DHX15: variants seen among roughly 807,000 people sequenced by gnomAD.
The protein encoded by DHX15 is DEAH-box helicase 15.
Under a neutral mutation model 94.4 loss-of-function variants are expected in DHX15, and 11 were observed. The observed-to-expected ratio is 0.12, with a 90% CI of 0.07 to 0.19. DHX15 has a LOEUF of 0.19. DHX15 is among the 10% of genes least tolerant of loss of function. DHX15 has a pLI of 1.00. For missense variants in DHX15, 304 were observed against 988.5 expected (o/e 0.31, Z 9.29); for synonymous variants, 338 against 329.9 (o/e 1.02, Z -0.27).
intron 5 of DHX15, 47 bp from the exon 6 acceptor site, chr4:24,549,069 A>T: frequency 6.6e-7 from 1 of 1,518,284 alleles, no homozygotes; most frequent in Non-Finnish European, 9.0e-7. Flanking sequence ...AACATTTTAA[A>T]GTATTTATTA....
At position 24,576,336 on chromosome 4, in the gene DHX15, A is replaced by G; in HGVS notation, c.414T>C (p.Pro138=). Residue 138 remains proline (P), a synonymous_variant, in exon 2 of 14, where the codon CCT becomes CCC. Transcript: ENST00000336812. The part of the protein sequence containing the change: ...YDILKKRLQL[P]VWEYKDRFTD... ...TAAACCTATCCTTGTATTCCCAAAC[A>G]GGGAGCTGAAGACGTTTCTTTAGAA... The G allele has an allele frequency of 6.2e-7, 1 of 1,614,232 alleles. No homozygotes were observed. The highest frequency in any genetic ancestry group is 8.5e-7 in the Non-Finnish European group (1 of 1,180,044).
rs1040563856 is a variant in DHX15 at position 24,576,457 on chromosome 4, G to A, written c.293C>T (p.Ala98Val). Residue 98 changes from alanine (A) to valine (V), a missense_variant, in exon 2 of 14, where the codon GCT (alanine) becomes GTT (valine). This residue lies in a region of DHX15 where 143 missense variants were observed against 200.5 expected (regional missense o/e 0.71). Coordinates refer to ENST00000336812, the MANE Select transcript of DHX15 (RefSeq NM_001358.3). The stretch of plus-strand genomic sequence containing the variant: ...TGCATGTCCGGCATGCGTTGAATGA[G>A]CAGAATGTGTTGAATGCGTTGAATG... ...SAHSTHSTHS[A>V]HSTHAGHAGH... is the part of the protein sequence containing the mutation. 1.2e-6 allele frequency: 2 copies of A among 1,614,192 alleles called. No individual in the cohort carries two copies. The highest frequency in any genetic ancestry group is 8.5e-7 in the Non-Finnish European group (1 of 1,180,036).
chr4:24,555,525 A>G (rs1721716594), intron 4 of DHX15, among the ~76,000 whole-genome samples: 1 of 152,054 alleles, frequency 6.6e-6, no homozygotes, highest in Admixed American at 6.5e-5. Flanking sequence ...TTTTTTTTCT[A>G]AAGACCCAGA....
chr4:24,548,140 CTTTTTTTTT>C (rs71196189), intron 6 of DHX15, among the ~76,000 whole-genome samples: 2 of 108,164 alleles, frequency 1.8e-5, no homozygotes, highest in African/African-American at 3.6e-5. Context: ...ATCAGTGCTA[CTTTTTTTTT>C]TTTTTTTTTT....
At chr4:24,557,617 T>C (rs1721765485) in intron 3 of DHX15, among the ~76,000 whole-genome samples, 1 of 152,206 alleles carries the variant, frequency 6.6e-6, no homozygotes. Context: ...TTTATGCTTC[T>C]TGTCCTTGGT....
intron 2 of DHX15, among the ~76,000 whole-genome samples, chr4:24,573,568 G>A (rs186466204): frequency 7.3e-5 from 11 of 151,578 alleles, no homozygotes; most frequent in Admixed American, 5.9e-4. Context: ...CTTTTGTTAT[G>A]AGCTCTTACA....
chr4:24,566,699 G>T (rs1431737490), intron 3 of DHX15, among the ~76,000 whole-genome samples: 2 of 152,086 alleles, frequency 1.3e-5, no homozygotes, highest in Admixed American at 1.3e-4. Context: ...GGTGGCACAC[G>T]CCTGTAATCT....
At chr4:24,534,477 G>GT (rs1481330662) in intron 11 of DHX15, among the ~76,000 whole-genome samples, 1 of 152,108 alleles carries the variant, frequency 6.6e-6, no homozygotes, top group Non-Finnish European at 1.5e-5. Flanking sequence ...TGGTTCTACT[G>GT]TATTTCTAAA....
Position 24,527,746 on chromosome 4 carries a change from AGGG to A in DHX15, c.*175_*177del. On this transcript the variant is annotated 3_prime_UTR_variant, in exon 14 of 14. Coordinates refer to ENST00000336812, the MANE Select transcript of DHX15 (RefSeq NM_001358.3). ...GTATGAGCTACAGTGTCAACACAAAAGGGAGGCATAAATGTTTAATTTATGAAA... is the reference window on the plus strand; with the variant it reads ...GTATGAGCTACAGTGTCAACACAAAAAGGCATAAATGTTTAATTTATGAAA... The A allele has an allele frequency of 1.9e-6, 1 of 534,358 alleles. No homozygotes were observed. Among genetic ancestry groups the A allele is most frequent in the Non-Finnish European group, 3.3e-6 (1 of 300,076 alleles). The allele number at this position is 534,358 out of a possible 1,614,324, so 33.1% of individuals were successfully genotyped here.
Position 24,576,288 on chromosome 4 carries a change from C to T in DHX15, c.462G>A (p.Gln154=), listed in dbSNP as rs757703046. Residue 154 remains glutamine, a synonymous_variant, in exon 2 of 14, where the codon CAG becomes CAA. Transcript: ENST00000336812. The stretch of plus-strand genomic sequence containing the variant: ...CAGTCTCACCAACCAGTACAAAGGA[C>T]TGATGTCTAACCAGAATATCTGTAA... ...DRFTDILVRH[Q]SFVLVGETGS... is the part of the protein sequence containing the mutation. The T allele has an allele frequency of 2.5e-6, 4 of 1,614,188 alleles. No individual in the cohort carries two copies. Among genetic ancestry groups the T allele is most frequent in the Non-Finnish European group, 3.4e-6 (4 of 1,180,034 alleles).
intron 11 of DHX15, among the ~76,000 whole-genome samples, chr4:24,534,466 A>T (rs1019293744): frequency 3.9e-5 from 6 of 152,210 alleles, no homozygotes; most frequent in African/African-American, 1.2e-4. Flanking sequence ...CTAACATCTG[A>T]TGGTTCTACT....
At chr4:24,555,921 A>G (rs974875583) in intron 4 of DHX15, among the ~76,000 whole-genome samples, 2 of 150,146 alleles carry the variant, frequency 1.3e-5, no homozygotes, top group Non-Finnish European at 2.9e-5. Flanking sequence ...GATCTGAGGG[A>G]GAAAGATTTG....
At chr4:24,564,262 A>C (rs1331530157) in intron 3 of DHX15, among the ~76,000 whole-genome samples, 1 of 152,182 alleles carries the variant, frequency 6.6e-6, no homozygotes, top group Non-Finnish European at 1.5e-5. Flanking sequence ...TTTTAAAAGA[A>C]ACATAAATAC....
chr4:24,569,654 ATCTC>A (rs1375069244), intron 3 of DHX15, among the ~76,000 whole-genome samples: 1 of 151,512 alleles, frequency 6.6e-6, no homozygotes, highest in Non-Finnish European at 1.5e-5. Context: ...AACACTATAT[ATCTC>A]TCTGACAACA....
intron 5 of DHX15, among the ~76,000 whole-genome samples, 168 bp from the exon 6 acceptor site, chr4:24,549,190 T>C (rs1027750741): frequency 2.0e-5 from 3 of 152,236 alleles, no homozygotes; most frequent in Admixed American, 6.5e-5. Context: ...CAATGGGATT[T>C]CCAAAACAAT....
At chr4:24,560,262 T>C (rs1423643400) in intron 3 of DHX15, among the ~76,000 whole-genome samples, 4 of 151,588 alleles carry the variant, frequency 2.6e-5, no homozygotes, top group Admixed American at 2.0e-4. Flanking sequence ...TTCCAAAAAA[T>C]TACAAACTAA....
At chr4:24,570,970 A>T (rs1722108705) in intron 2 of DHX15, 123 bp from the exon 3 acceptor site, 1 of 988,476 alleles carries the variant, frequency 1.0e-6, no homozygotes, top group South Asian at 1.7e-5. Flanking sequence ...AATGACTATA[A>T]GACTTGTGAT....
chr4:24,549,813 G>A (rs748821795), intron 5 of DHX15, among the ~76,000 whole-genome samples: 3 of 152,070 alleles, frequency 2.0e-5, no homozygotes, highest in Non-Finnish European at 4.4e-5. Flanking sequence ...GATAAAAACC[G>A]CCAGGCACAG....
intron 5 of DHX15, among the ~76,000 whole-genome samples, chr4:24,550,309 T>A (rs78418552): frequency 0.053 from 8,113 of 151,870 alleles, 333 homozygotes; most frequent in African/African-American, 0.11. Context: ...TATTTTCTTT[T>A]TTTTGATATA....
Sources: allele counts gnomAD v4.1 joint callset (sites outside exome capture counted in the v4.1 genomes callset), GRCh38; gene constraint gnomAD v4.1.1; regional missense constraint gnomAD v4.1.1; transcripts MANE v1.5; gene names NCBI Gene and HGNC (gene_info 2026-07-23, HGNC 2026-07-21).